Variants in PLPPR2 observed in about 807,000 individuals in gnomAD.
PLPPR2 encodes the protein phospholipid phosphatase-related protein type 2.
In PLPPR2, 11 loss-of-function variants were observed where a neutral mutation model predicts 40.3. The observed-to-expected ratio is 0.27, with a 90% CI of 0.17 to 0.45. PLPPR2 has a LOEUF of 0.45. Among genes scored for constraint, PLPPR2 ranks in the 20% least tolerant of loss-of-function variants. The pLI is 1.00. For synonymous variants in PLPPR2, 260 were observed against 290.8 expected (o/e 0.89, Z 1.08); for missense variants, 497 against 640.7 (o/e 0.78, Z 2.42).
At position 11,362,319 on chromosome 19, in the gene PLPPR2, A is replaced by T; in HGVS notation, c.664-194A>T. On this transcript the variant is annotated intron_variant, in intron 6 of 9. Transcript: ENST00000688289. The surrounding 1 kb of genome is among the most constrained non-coding windows in gnomAD (Gnocchi z 5.3). ...CGAGACTCCAAGACCTCAATCCCTGACCCCCCCCCCTTTGCCTTTTTGGTC... is the reference window on the plus strand; with the variant it reads ...CGAGACTCCAAGACCTCAATCCCTGTCCCCCCCCCCTTTGCCTTTTTGGTC... The T allele has an allele frequency of 3.5e-5, 12 of 345,460 alleles. No homozygotes were observed. Among genetic ancestry groups the T allele is most frequent in the East Asian group, 4.9e-5 (1 of 20,418 alleles). 21.4% of individuals were successfully genotyped at this position (345,460 alleles called of 1,614,324 possible). A position where few individuals can be genotyped will look rare whatever the true frequency, so the allele number is the denominator to read the frequency against.
rs1313286672 is a variant in PLPPR2, at chr19:11,364,252, C to T, written c.1015+40C>T. 1.3e-6 allele frequency: 2 copies of T among 1,589,106 alleles called. No individual in the cohort carries two copies. The highest frequency in any genetic ancestry group is 1.1e-5 in the South Asian group (1 of 88,454). ...AGTGGGGGGCTAAACAGGGGGACTTCCAGGTGGGCAGCCACTGCCCCAGAG... is the reference window on the plus strand; with the variant it reads ...AGTGGGGGGCTAAACAGGGGGACTTTCAGGTGGGCAGCCACTGCCCCAGAG... On this transcript the variant is annotated intron_variant, in intron 9 of 9. Transcript: ENST00000688289. This position sits in a 1 kb window ranked among gnomAD's most constrained non-coding sequence, Gnocchi z 5.8.
intron 1 of PLPPR2, among the ~76,000 whole-genome samples, 153 bp downstream of exon 1, chr19:11,355,725 TG>T (rs1187743856): frequency 2.3e-5 from 3 of 130,156 alleles, no homozygotes; most frequent in Non-Finnish European, 5.2e-5. Flanking sequence ...GGGACCGGGC[TG>T]GGGGAGGGGA....
Position 11,364,475 on chromosome 19 carries a change from C to A in PLPPR2, c.1144C>A (p.Pro382Thr). The A allele has an allele frequency of 1.3e-6, 2 of 1,517,598 alleles. No individual in the cohort carries two copies. Among genetic ancestry groups the A allele is most frequent in the Non-Finnish European group, 1.8e-6 (2 of 1,138,314 alleles). The allele number at this position is 1,517,598 out of a possible 1,614,324, so 94.0% of individuals were successfully genotyped here. The change falls in exon 10 of 10, where the codon CCC (proline) becomes ACC (threonine). Residue 382 changes from proline to threonine, a missense_variant. Transcript: ENST00000688289. The surrounding 1 kb of genome is among the most constrained non-coding windows in gnomAD (Gnocchi z 5.8). The stretch of plus-strand genomic sequence containing the variant: ...GTCTGAGCCGACGCCCTTGCCCCTG[C>A]CCCTACCCCTGCCAGCGCCCACCCC... Reference protein sequence around the residue: ...LRSEPTPLPLPLPLPAPTPSQ... With the variant: ...LRSEPTPLPLTLPLPAPTPSQ...
chr19:11,362,329 C>CG lies in PLPPR2; in HGVS notation c.664-184_664-183insG. 1 of 576,864 alleles carries CG rather than the reference C, an allele frequency of 1.7e-6. No homozygotes were observed. The highest frequency in any genetic ancestry group is 1.9e-5 in the African/African-American group (1 of 53,294). The allele number at this position is 576,864 out of a possible 1,614,324, so 35.7% of individuals were successfully genotyped here. A position where few individuals can be genotyped will look rare whatever the true frequency, so the allele number is the denominator to read the frequency against. ...AGACCTCAATCCCTGACCCCCCCCC[C>CG]TTTGCCTTTTTGGTCACGCTCCCTG... is the stretch of plus-strand genomic sequence containing the variant. On this transcript the variant is annotated intron_variant, in intron 6 of 9. Coordinates refer to ENST00000688289, the MANE Select transcript of PLPPR2 (RefSeq NM_001393892.1). This position sits in a 1 kb window ranked among gnomAD's most constrained non-coding sequence, Gnocchi z 5.3.
rs1380589295 is a variant in PLPPR2, at chr19:11,362,363, C to T, written c.664-150C>T. On this transcript the variant is annotated intron_variant, in intron 6 of 9. Coordinates refer to ENST00000688289, the MANE Select transcript of PLPPR2 (RefSeq NM_001393892.1). This position sits in a 1 kb window ranked among gnomAD's most constrained non-coding sequence, Gnocchi z 5.3. ...TTTGGTCACGCTCCCTGGAAAAGCC[C>T]ACTGGGAGCCCATGACTCCAACCCT... is the stretch of plus-strand genomic sequence containing the variant. 2.3e-6 allele frequency: 2 copies of T among 865,542 alleles called. No individual in the cohort carries two copies. Among genetic ancestry groups the T allele is most frequent in the East Asian group, 2.6e-5 (1 of 37,834 alleles). 53.6% of individuals were successfully genotyped at this position (865,542 alleles called of 1,614,324 possible).
At chr19:11,355,728 G>A (rs1047167806) in intron 1 of PLPPR2, among the ~76,000 whole-genome samples, 156 bp downstream of exon 1, 7 of 152,160 alleles carry the variant, frequency 4.6e-5, no homozygotes, top group Admixed American at 2.6e-4. Flanking sequence ...ACCGGGCTGG[G>A]GGAGGGGACC....
Position 11,364,673 on chromosome 19 carries a change from C to T in PLPPR2, c.1342C>T (p.Arg448Cys), listed in dbSNP as rs1375377352. The T allele has an allele frequency of 7.2e-6, 11 of 1,537,238 alleles. No homozygotes were observed. The highest frequency in any genetic ancestry group is 2.4e-5 in the East Asian group (1 of 40,898). The change falls in exon 10 of 10, where the codon CGT becomes TGT. Residue 448 changes from arginine to cysteine, a missense_variant. By Grantham distance (180) the Arg-to-Cys change is radical (BLOSUM62 -3). Coordinates refer to ENST00000688289, the MANE Select transcript of PLPPR2 (RefSeq NM_001393892.1). This position sits in a 1 kb window ranked among gnomAD's most constrained non-coding sequence, Gnocchi z 5.8. ...CTTCAGCCCTTACCTGTTTGCCAGC[C>T]GTGACCACCTGCTGTGAGGCCCGAC... The part of the protein sequence containing the change: ...DNFSPYLFAS[R>C]DHLL
chr19:11,357,624 C>A lies in PLPPR2; in HGVS notation c.-14-36C>A, dbSNP rs755888971. On this transcript the variant is annotated intron_variant, in intron 2 of 9. Transcript: ENST00000688289. The stretch of plus-strand genomic sequence containing the variant: ...TGACCTGAGCCTTCCCCTAGGCACA[C>A]CCCCTGGGACTCCCACTCCCTCCCC... 13 of 1,523,132 alleles carry A rather than the reference C, an allele frequency of 8.5e-6. No individual in the cohort carries two copies. The African/African-American group carries it at 1.3e-4, about 15-fold the overall frequency. 94.4% of individuals were successfully genotyped at this position (1,523,132 alleles called of 1,614,324 possible).
rs761258110 is a variant in PLPPR2, at chr19:11,361,284, T to C, written c.459T>C (p.Asn153=). 3 of 1,613,658 alleles carry C rather than the reference T, an allele frequency of 1.9e-6. No individual in the cohort carries two copies. Among genetic ancestry groups the C allele is most frequent in the Non-Finnish European group, 2.5e-6 (3 of 1,179,934 alleles). ...ACGCGGGGCAGGTGGTGACCGGCAA[T>C]CCCACGCCACACTTCCTGTCCGTGT... ...FANAGQVVTG[N]PTPHFLSVCR... The change falls in exon 6 of 10, where the codon AAT becomes AAC. Residue 153 remains asparagine, a synonymous_variant. Transcript: ENST00000688289. This position sits in a 1 kb window ranked among gnomAD's most constrained non-coding sequence, Gnocchi z 6.3.
chr19:11,359,541 C>A lies in PLPPR2; in HGVS notation c.76C>A (p.Leu26Met). Residue 26 changes from leucine to methionine, a missense_variant, in exon 4 of 10, where the codon CTG becomes ATG. Coordinates refer to ENST00000688289, the MANE Select transcript of PLPPR2 (RefSeq NM_001393892.1). This position sits in a 1 kb window ranked among gnomAD's most constrained non-coding sequence, Gnocchi z 5.6. ...PCFVFVESVLLGIVILLAYRL... is the reference protein window; with the variant it reads ...PCFVFVESVLMGIVILLAYRL... ...CCTGGCTTGGTGGCAGTCGGTGCTG[C>A]TGGGCATTGTGATCCTGCTTGCTTA... is the stretch of plus-strand genomic sequence containing the variant. 1 of 1,563,216 alleles carries A rather than the reference C, an allele frequency of 6.4e-7. No individual in the cohort carries two copies. The highest frequency in any genetic ancestry group is 8.7e-7 in the Non-Finnish European group (1 of 1,152,158).
In PLPPR2 at chr19:11,364,465, C is replaced by T. The variant is rs547982015; in HGVS notation, c.1134C>T (p.Pro378=). Residue 378 remains proline (P), a synonymous_variant, in exon 10 of 10, where the codon CCC becomes CCT. Coordinates refer to ENST00000688289, the MANE Select transcript of PLPPR2 (RefSeq NM_001393892.1). This position sits in a 1 kb window ranked among gnomAD's most constrained non-coding sequence, Gnocchi z 5.8. The stretch of plus-strand genomic sequence containing the variant: ...CTCGATTGAGGTCTGAGCCGACGCC[C>T]TTGCCCCTGCCCCTACCCCTGCCAG... ...PRPRLRSEPT[P]LPLPLPLPAP... The T allele has an allele frequency of 3.2e-5, 49 of 1,511,956 alleles. No homozygotes were observed. In the African/African-American group the frequency reaches 6.5e-4, roughly 20 times the overall value. 93.7% of individuals were successfully genotyped at this position (1,511,956 alleles called of 1,614,324 possible).
chr19:11,362,005 G>T lies in PLPPR2; in HGVS notation c.664-508G>T, dbSNP rs2144675957. ...TCTGGGATTTCTAACTCTGTCCCCTGCTTTTTCCTGGTCACATCCCCTGTT... is the reference window on the plus strand; with the variant it reads ...TCTGGGATTTCTAACTCTGTCCCCTTCTTTTTCCTGGTCACATCCCCTGTT... On this transcript the variant is annotated intron_variant, in intron 6 of 9. Coordinates refer to ENST00000688289, the MANE Select transcript of PLPPR2 (RefSeq NM_001393892.1). The surrounding 1 kb of genome is among the most constrained non-coding windows in gnomAD (Gnocchi z 5.3). Among the ~76,000 whole-genome samples the T allele has an allele frequency of 6.6e-6, 1 of 152,204 alleles. No homozygotes were observed. The highest frequency in any genetic ancestry group is 1.5e-5 in the Non-Finnish European group (1 of 67,998).
chr19:11,358,707 C>T (rs1440877053), intron 3 of PLPPR2, among the ~76,000 whole-genome samples: 1 of 150,706 alleles, frequency 6.6e-6, no homozygotes, highest in Non-Finnish European at 1.5e-5. Flanking sequence ...TCTTTCCCTC[C>T]CTCCCTCTCT....
Position 11,364,549 on chromosome 19 carries a change from G to A in PLPPR2, c.1218G>A (p.Gly406=), listed in dbSNP as rs977879556. The A allele has an allele frequency of 2.0e-6, 3 of 1,536,694 alleles. No homozygotes were observed. Among genetic ancestry groups the A allele is most frequent in the Non-Finnish European group, 2.6e-6 (3 of 1,146,620 alleles). Residue 406 remains glycine, a synonymous_variant, in exon 10 of 10, where the codon GGG becomes GGA. Coordinates refer to ENST00000688289, the MANE Select transcript of PLPPR2 (RefSeq NM_001393892.1). The surrounding 1 kb of genome is among the most constrained non-coding windows in gnomAD (Gnocchi z 5.8). ...PSSPGPGGPG[G]GGGRGRKLLL... ...CCCCTGGACCTGGGGGGCCAGGCGG[G>A]GGTGGTGGACGTGGCCGGAAGCTGC...
chr19:11,360,898 C>G (rs1262468076), intron 5 of PLPPR2, among the ~76,000 whole-genome samples: 1 of 152,010 alleles, frequency 6.6e-6, no homozygotes, highest in African/African-American at 2.4e-5. Context: ...CCTAGCCGTC[C>G]TAGGCATGGG....
Position 11,361,373 on chromosome 19 carries a change from G to A in PLPPR2, c.548G>A (p.Arg183His), listed in dbSNP as rs747318951. The A allele has an allele frequency of 1.2e-6, 2 of 1,611,732 alleles. No individual in the cohort carries two copies. Among genetic ancestry groups the A allele is most frequent in the Non-Finnish European group, 1.7e-6 (2 of 1,179,868 alleles). Residue 183 changes from arginine to histidine, a missense_variant, in exon 6 of 10, where the codon CGC becomes CAC. Transcript: ENST00000688289. The surrounding 1 kb of genome is among the most constrained non-coding windows in gnomAD (Gnocchi z 6.3). ...PPSPDRPGPD[R>H]FVTDQGACAG... ...TCTCCGGATCGGCCAGGTCCCGACC[G>A]CTTTGTCACTGACCAGGGTGCCTGC...
In PLPPR2 at chr19:11,364,667, G is replaced by A; in HGVS notation, c.1336G>A (p.Ala446Thr). ...HRDNFSPYLFASRDHLL is the reference protein window; with the variant it reads ...HRDNFSPYLFTSRDHLL ...GGACAACTTCAGCCCTTACCTGTTTGCCAGCCGTGACCACCTGCTGTGAGG... is the reference window on the plus strand; with the variant it reads ...GGACAACTTCAGCCCTTACCTGTTTACCAGCCGTGACCACCTGCTGTGAGG... The change falls in exon 10 of 10, where the codon GCC becomes ACC. Residue 446 changes from alanine to threonine, a missense_variant. Physicochemically the swap from Ala to Thr is moderately conservative, Grantham distance 58. Transcript: ENST00000688289. The surrounding 1 kb of genome is among the most constrained non-coding windows in gnomAD (Gnocchi z 5.8). 6.5e-7 allele frequency: 1 copy of A among 1,537,004 alleles called. No homozygotes were observed.
chr19:11,363,696 C>A lies in PLPPR2; in HGVS notation c.841-17C>A. 1 of 1,606,864 alleles carries A rather than the reference C, an allele frequency of 6.2e-7. No individual in the cohort carries two copies. The highest frequency in any genetic ancestry group is 1.1e-5 in the South Asian group (1 of 90,692). On this transcript the variant is annotated splice_polypyrimidine_tract_variant and intron_variant, in intron 7 of 9. Coordinates refer to ENST00000688289, the MANE Select transcript of PLPPR2 (RefSeq NM_001393892.1). This position sits in a 1 kb window ranked among gnomAD's most constrained non-coding sequence, Gnocchi z 4.8. Reference sequence around the variant, plus strand: ...ACTTGCCCCAGGCCTCAACACTCTCCTCTCCCTCTATTCCAGGTCACCTGC... The same window carrying A: ...ACTTGCCCCAGGCCTCAACACTCTCATCTCCCTCTATTCCAGGTCACCTGC...
Position 11,364,959 on chromosome 19 carries a change from T to C in PLPPR2, c.*269T>C, listed in dbSNP as rs1228262915. On this transcript the variant is annotated 3_prime_UTR_variant, in exon 10 of 10. Coordinates refer to ENST00000688289, the MANE Select transcript of PLPPR2 (RefSeq NM_001393892.1). This position sits in a 1 kb window ranked among gnomAD's most constrained non-coding sequence, Gnocchi z 5.8. ...ACCCCATTGGCCATTGCCTGGCTAA[T>C]GAGAACCCCTGGTTCTCAGAATTTT... 1 of 512,640 alleles carries C rather than the reference T, an allele frequency of 2.0e-6. No individual in the cohort carries two copies. The highest frequency in any genetic ancestry group is 3.4e-6 in the Non-Finnish European group (1 of 291,668). The allele number at this position is 512,640 out of a possible 1,614,324, so 31.8% of individuals were successfully genotyped here.
Sources: allele counts gnomAD v4.1 joint callset (sites outside exome capture counted in the v4.1 genomes callset), GRCh38; gene constraint gnomAD v4.1.1; non-coding constraint Gnocchi (gnomAD v3.1); transcripts MANE v1.5; gene names NCBI Gene and HGNC (gene_info 2026-07-23, HGNC 2026-07-21).